Variants in KLHL8 observed in about 807,000 individuals in gnomAD.
KLHL8 encodes the protein kelch like family member 8.
KLHL8 carries 38 observed loss-of-function variants against 63.5 expected under a neutral mutation model. That is an observed-to-expected ratio of 0.60 (90% CI 0.46 to 0.78). The LOEUF (loss-of-function observed/expected upper bound fraction) is 0.78, where lower values mean the gene tolerates loss of function less well. KLHL8 is among the 30% of genes least tolerant of loss of function. The probability of loss-of-function intolerance (pLI) is 0.00; values close to 1 mark genes in which losing one functional copy is unlikely to be tolerated. For synonymous variants in KLHL8, 224 were observed against 254.3 expected, an observed-to-expected ratio of 0.88 and a Z score of 1.13; for missense variants, 566 against 752.4, an observed-to-expected ratio of 0.75 and a Z score of 2.90.
At chr4:87,233,451 T>C (rs1459364854) in intron 1 of KLHL8, among the ~76,000 whole-genome samples, 1 of 152,176 alleles carries the variant, frequency 6.6e-6, no homozygotes, top group Non-Finnish European at 1.5e-5. Flanking sequence ...GCACGCACCT[T>C]TATTCCAGCT....
At chr4:87,197,591 C>T (rs906050640) in intron 1 of KLHL8, among the ~76,000 whole-genome samples, 5 of 152,122 alleles carry the variant, frequency 3.3e-5, no homozygotes, top group African/African-American at 1.2e-4. Flanking sequence ...TCCTGATGCA[C>T]GGAAACTGTG....
intron 8 of KLHL8, among the ~76,000 whole-genome samples, chr4:87,165,181 A>G (rs1424887749): frequency 6.6e-6 from 1 of 151,288 alleles, no homozygotes; most frequent in Non-Finnish European, 1.5e-5. Context: ...AAAGGTCAGA[A>G]AAAAAAATTC....
At chr4:87,194,086 T>C (rs1301213515) in intron 2 of KLHL8, among the ~76,000 whole-genome samples, 2 of 152,176 alleles carry the variant, frequency 1.3e-5, no homozygotes, top group Admixed American at 1.3e-4. Context: ...TCCAAAATCA[T>C]GTGTTGAAAC....
chr4:87,226,589 ATATAAATAATATATATATTATT>A (rs1732980150), intron 1 of KLHL8, among the ~76,000 whole-genome samples: 1 of 96,726 alleles, frequency 1.0e-5, no homozygotes, highest in Non-Finnish European at 1.9e-5. Flanking sequence ...CTCTCTATAT[ATATAAATAATATATATATTATT>A]TATATAAATA....
At chr4:87,194,958 G>A (rs1010546267) in intron 2 of KLHL8, among the ~76,000 whole-genome samples, 2 of 152,152 alleles carry the variant, frequency 1.3e-5, no homozygotes, top group African/African-American at 2.4e-5. Context: ...ACTTACTTCT[G>A]TATTCAGAGT....
At chr4:87,170,993 A>G (rs1730613018) in intron 6 of KLHL8, among the ~76,000 whole-genome samples, 1 of 152,226 alleles carries the variant, frequency 6.6e-6, no homozygotes, top group Admixed American at 6.5e-5. Flanking sequence ...TCAGAAGCCA[A>G]TCTCACTTAC....
In KLHL8 at chr4:87,162,135, C is replaced by T. The variant is rs1730198941; in HGVS notation, c.*1384G>A. Reference sequence around the variant, plus strand: ...CTTCCTTATGAACCAGATTACTGACCAGCGGTGAACTACAATAAATTCGAA... The same window carrying T: ...CTTCCTTATGAACCAGATTACTGACTAGCGGTGAACTACAATAAATTCGAA... On this transcript the variant is annotated 3_prime_UTR_variant, in exon 10 of 10. Transcript: ENST00000273963. 1 of 152,090 alleles carries T rather than the reference C, an allele frequency of 6.6e-6. No homozygotes were observed. The allele number at this position is 152,090 out of a possible 1,614,324, so 9.4% of individuals were successfully genotyped here. A position where few individuals can be genotyped will look rare whatever the true frequency, so the allele number is the denominator to read the frequency against.
chr4:87,168,673 T>TAC (rs1560690044), intron 8 of KLHL8, among the ~76,000 whole-genome samples: 70 of 147,174 alleles, frequency 4.8e-4, no homozygotes, highest in African/African-American at 1.7e-3. Context: ...TATATATGTG[T>TAC]GTATATATGT....
chr4:87,221,997 C>T (rs1180543230), upstream of KLHL8, among the ~76,000 whole-genome samples: 2 of 152,110 alleles, frequency 1.3e-5, no homozygotes, highest in Non-Finnish European at 2.9e-5. Flanking sequence ...CCGCGCTGAA[C>T]TGAGGAAGCA....
intron 8 of KLHL8, 53 bp from the exon 9 acceptor site, chr4:87,164,132 C>G: frequency 1.4e-6 from 2 of 1,429,826 alleles, no homozygotes; most frequent in Non-Finnish European, 2.0e-6. Flanking sequence ...AAATTAACTA[C>G]TAAATTTCAA....
At chr4:87,235,757 A>C (rs1056487443) in intron 1 of KLHL8, among the ~76,000 whole-genome samples, 1 of 152,222 alleles carries the variant, frequency 6.6e-6, no homozygotes, top group South Asian at 2.1e-4. Flanking sequence ...AATGCAGAAT[A>C]TCTCTCAAAC....
intron 1 of KLHL8, among the ~76,000 whole-genome samples, chr4:87,229,832 G>A (rs953833683): frequency 3.3e-5 from 5 of 151,572 alleles, no homozygotes; most frequent in Non-Finnish European, 7.4e-5. Flanking sequence ...CCAGGTTCAC[G>A]CCATTCTCCT....
chr4:87,193,399 G>A (rs973829532), intron 2 of KLHL8, among the ~76,000 whole-genome samples: 1 of 152,188 alleles, frequency 6.6e-6, no homozygotes, highest in African/African-American at 2.4e-5. Context: ...GACACATGGA[G>A]CTGTCATCTC....
chr4:87,199,910 G>A (rs1367716179), intron 1 of KLHL8, among the ~76,000 whole-genome samples: 1 of 151,820 alleles, frequency 6.6e-6, no homozygotes, highest in East Asian at 1.9e-4. Context: ...CTGGTAGGCT[G>A]ATACTCGAGG....
intron 3 of KLHL8, among the ~76,000 whole-genome samples, chr4:87,184,108 C>G (rs931936059): frequency 6.6e-6 from 1 of 152,186 alleles, no homozygotes; most frequent in Non-Finnish European, 1.5e-5. Flanking sequence ...GTCCCTGTAT[C>G]TATTGTTATG....
intron 1 of KLHL8, among the ~76,000 whole-genome samples, chr4:87,227,874 T>C (rs1189895738): frequency 6.6e-6 from 1 of 152,178 alleles, no homozygotes; most frequent in Admixed American, 6.5e-5. Context: ...CAGAGGTGCA[T>C]GTGTATTACA....
chr4:87,176,413 A>G (rs1006360485), intron 6 of KLHL8, among the ~76,000 whole-genome samples: 17 of 152,368 alleles, frequency 1.1e-4, no homozygotes, highest in African/African-American at 4.1e-4. Flanking sequence ...AGGGGACAAA[A>G]TCATCCTCAG....
intron 1 of KLHL8, among the ~76,000 whole-genome samples, chr4:87,204,487 C>T (rs935286011): frequency 1.3e-5 from 2 of 152,138 alleles, no homozygotes; most frequent in African/African-American, 2.4e-5. Context: ...AATGAATGCT[C>T]GTGTTTACAC....
At position 87,163,916 on chromosome 4, in the gene KLHL8, G is replaced by A. The variant is rs769923772; in HGVS notation, c.1701C>T (p.Tyr567=). 4.9e-5 allele frequency: 79 copies of A among 1,613,968 alleles called. 1 individual carries two copies. Among genetic ancestry groups the A allele is most frequent in the Non-Finnish European group, 3.6e-5 (42 of 1,180,016 alleles). The change falls in exon 9 of 10, where the codon TAC becomes TAT. Residue 567 remains tyrosine, a synonymous_variant. Transcript: ENST00000273963. ...GATCAAACGCTTCTACTGTATTTAA[G>A]TATGCATTGCCATTATGACCACCAA... ...FAVGGHNGNA[Y]LNTVEAFDPV... is the part of the protein sequence containing the mutation.
Sources: allele counts gnomAD v4.1 joint callset (sites outside exome capture counted in the v4.1 genomes callset), GRCh38; gene constraint gnomAD v4.1.1; transcripts MANE v1.5; gene names NCBI Gene and HGNC (gene_info 2026-07-23, HGNC 2026-07-21).